The following TUBGCP3 variants were observed in gnomAD, a reference collection of about 807,000 sequenced individuals.
The protein encoded by TUBGCP3 is tubulin gamma complex component 3, also known as gamma-tubulin complex component 3.
Under a neutral mutation model 123.1 loss-of-function variants are expected in TUBGCP3, and 50 were observed. The observed-to-expected ratio is 0.41, with a 90% CI of 0.32 to 0.51. The LOEUF (loss-of-function observed/expected upper bound fraction) is 0.51, where lower values mean the gene tolerates loss of function less well. Among genes scored for constraint, TUBGCP3 ranks in the 20% least tolerant of loss-of-function variants. The probability of loss-of-function intolerance (pLI) is 0.36; values close to 1 mark genes in which losing one functional copy is unlikely to be tolerated. For synonymous variants in TUBGCP3, 405 were observed against 413.9 expected, an observed-to-expected ratio of 0.98 and a Z score of 0.26; for missense variants, 882 against 1,127.0, an observed-to-expected ratio of 0.78 and a Z score of 3.11.
chr13:112,605,117 GC>G, the TUBGCP3 span: 2 of 152,154 alleles, frequency 1.3e-5, no homozygotes, highest in South Asian at 4.2e-4. Context: ...GACCAGCCTA[GC>G]CAACATGGTG....
At chr13:112,523,438 A>G (rs1171278826) in intron 13 of TUBGCP3, among the ~76,000 whole-genome samples, 1 of 152,194 alleles carries the variant, frequency 6.6e-6, no homozygotes, top group African/African-American at 2.4e-5. Context: ...TATTATTCCA[A>G]TTTCACACTA....
Position 112,558,214 on chromosome 13 carries a change from G to A in TUBGCP3, c.530C>T (p.Pro177Leu). The change falls in exon 5 of 22, where the codon CCA (proline) becomes CTA (leucine). Residue 177 changes from proline to leucine, a missense_variant. Around this residue, in one of 3 missense-constraint regions of TUBGCP3, gnomAD observed 713 missense variants for 874.0 expected, o/e 0.82. Coordinates refer to ENST00000261965, the MANE Select transcript of TUBGCP3 (RefSeq NM_006322.6). ...GCCTTACCCTGGGAGGAGAGATTGT[G>A]GCGCAGGCGCGGGGCCACTGAGGGC... The part of the protein sequence containing the change: ...LCALSGPAPA[P>L]QSLLPGQSNQ... The A allele has an allele frequency of 6.2e-7, 1 of 1,610,916 alleles. No homozygotes were observed.
chr13:112,595,479 G>T, the TUBGCP3 span, among the ~76,000 whole-genome samples: 1 of 152,180 alleles, frequency 6.6e-6, no homozygotes, highest in Admixed American at 6.5e-5. Flanking sequence ...TTACAGGCAT[G>T]AGCCACCCTG....
chr13:112,594,031 A>AG, the TUBGCP3 span, among the ~76,000 whole-genome samples: 48,948 of 152,112 alleles, frequency 0.32, 8,485 homozygotes, highest in African/African-American at 0.44. Context: ...AAGTTGAATT[A>AG]TAGTTAACTA....
At chr13:112,496,038 C>T (rs1340306183) in intron 20 of TUBGCP3, among the ~76,000 whole-genome samples, 1 of 152,138 alleles carries the variant, frequency 6.6e-6, no homozygotes, top group African/African-American at 2.4e-5. Flanking sequence ...GTTCCCATAT[C>T]AGCAGCAGCA....
intron 3 of TUBGCP3, 88 bp downstream of exon 3, chr13:112,565,020 TATG>T (rs763857611): frequency 1.5e-4 from 168 of 1,158,472 alleles, no homozygotes; most frequent in South Asian, 2.7e-4. Flanking sequence ...AAAAGTTTAA[TATG>T]ATACCACAAA....
intron 5 of TUBGCP3, among the ~76,000 whole-genome samples, chr13:112,556,991 A>G (rs1395737833): frequency 6.6e-6 from 1 of 152,078 alleles, no homozygotes; most frequent in African/African-American, 2.4e-5. Flanking sequence ...GTACTGGTGC[A>G]ATACTGGGGG....
chr13:112,527,623 AC>A, intron 11 of TUBGCP3, 139 bp from the exon 12 acceptor site: 1 of 609,758 alleles, frequency 1.6e-6, no homozygotes, highest in Non-Finnish European at 2.9e-6. Flanking sequence ...ATACAATAAA[AC>A]TTGTATGAAA....
intron 8 of TUBGCP3, among the ~76,000 whole-genome samples, chr13:112,548,775 C>T (rs1473094393): frequency 6.6e-6 from 1 of 152,138 alleles, no homozygotes; most frequent in East Asian, 1.9e-4. Context: ...GCAAATCAAA[C>T]CACAATGAGA....
chr13:112,601,185 TAAAAA>T, the TUBGCP3 span, among the ~76,000 whole-genome samples: 2 of 86,494 alleles, frequency 2.3e-5, no homozygotes, highest in Non-Finnish European at 4.4e-5. Context: ...AGATTCTGTC[TAAAAA>T]AAAAAAAAAA....
chr13:112,490,620 T>A (rs563457976), intron 20 of TUBGCP3, among the ~76,000 whole-genome samples: 4 of 152,246 alleles, frequency 2.6e-5, no homozygotes, highest in Admixed American at 2.0e-4. Flanking sequence ...TATGCATTCC[T>A]GAAATAAATC....
chr13:112,548,914 G>A (rs972003871), intron 8 of TUBGCP3, among the ~76,000 whole-genome samples: 1 of 152,196 alleles, frequency 6.6e-6, no homozygotes, highest in Admixed American at 6.5e-5. Context: ...AACCATTGTG[G>A]AAGACAGTGT....
chr13:112,517,025 G>T (rs1876194765), intron 16 of TUBGCP3, among the ~76,000 whole-genome samples: 1 of 151,970 alleles, frequency 6.6e-6, no homozygotes. Flanking sequence ...TTGTTTGTTT[G>T]TTTGTTTTGA....
Position 112,522,370 on chromosome 13 carries a change from G to A in TUBGCP3, c.1695C>T (p.Tyr565=), listed in dbSNP as rs1042427776. 1 of 1,613,542 alleles carries A rather than the reference G, an allele frequency of 6.2e-7. No individual in the cohort carries two copies. Among genetic ancestry groups the A allele is most frequent in the Admixed American group, 1.7e-5 (1 of 60,006 alleles). The change falls in exon 14 of 22, where the codon TAC becomes TAT. Residue 565 remains tyrosine (Y), a synonymous_variant. Coordinates refer to ENST00000261965, the MANE Select transcript of TUBGCP3 (RefSeq NM_006322.6). ...LLDHMQAMRR[Y]LLLGQGDFIR... ...TAAAGTCTCCTTGACCAAGAAGCAGGTACCGCCTCATTGCCTGCATGTGGT... is the reference window on the plus strand; with the variant it reads ...TAAAGTCTCCTTGACCAAGAAGCAGATACCGCCTCATTGCCTGCATGTGGT...
upstream of TUBGCP3, among the ~76,000 whole-genome samples, chr13:112,592,874 T>G (rs555529316): frequency 1.3e-5 from 2 of 152,312 alleles, no homozygotes; most frequent in Admixed American, 1.3e-4. The surrounding 1 kb of genome is among the most constrained non-coding windows in gnomAD (Gnocchi z 4.1). Context: ...TGGTCAGACC[T>G]GAAAGATCCC....
At chr13:112,498,988 T>C in intron 20 of TUBGCP3, 57 bp downstream of exon 20, 1 of 1,614,220 alleles carries the variant, frequency 6.2e-7, no homozygotes, top group East Asian at 2.2e-5. Flanking sequence ...GAGATTATCG[T>C]GTGTGGCAAG....
At position 112,582,484 on chromosome 13, in the gene TUBGCP3, G is replaced by A. The variant is rs117303156; in HGVS notation, c.76+5421C>T. Among the ~76,000 whole-genome samples the A allele has an allele frequency of 4.8e-3, 729 of 152,316 alleles. 1 individual carries two copies. The highest frequency in any genetic ancestry group is 8.7e-3 in the Non-Finnish European group (591 of 68,026). On this transcript the variant is annotated intron_variant, in intron 1 of 21. Transcript: ENST00000261965. The stretch of plus-strand genomic sequence containing the variant: ...GAGGGAAGGCCTTGCAGGAAACACC[G>A]TTAGCCTGGCAGCCAAGGCTGCCAC...
chr13:112,513,937 TC>T (rs1371995868), intron 17 of TUBGCP3, among the ~76,000 whole-genome samples: 2 of 152,124 alleles, frequency 1.3e-5, no homozygotes, highest in African/African-American at 4.8e-5. Context: ...AGTGATGAAA[TC>T]TCACACCATC....
chr13:112,526,083 A>G (rs1261541653), intron 13 of TUBGCP3, among the ~76,000 whole-genome samples: 3 of 151,962 alleles, frequency 2.0e-5, no homozygotes. Context: ...CCATCATCAT[A>G]TCATTACTAT....
Sources: gnomAD v4.1 joint callset for allele counts (sites outside exome capture counted in the v4.1 genomes callset) on GRCh38, gnomAD v4.1.1 for gene constraint, gnomAD v4.1.1 regional missense constraint, Gnocchi (gnomAD v3.1) non-coding constraint, MANE v1.5 for transcripts, NCBI Gene and HGNC (gene_info 2026-07-23, HGNC 2026-07-21) for gene names.